Variants in RBBP6 observed in about 807,000 individuals in gnomAD.
RBBP6 encodes E3 ubiquitin-protein ligase RBBP6.
In RBBP6, 25 loss-of-function variants were observed where a neutral mutation model predicts 167.7. The ratio of observed to expected loss-of-function variants is 0.15; its 90% CI spans 0.11 to 0.21. The LOEUF is 0.21. RBBP6 is among the 10% of genes least tolerant of loss of function. RBBP6 has a pLI of 1.00. For synonymous variants in RBBP6, 789 were observed against 735.8 expected, an observed-to-expected ratio of 1.07 and a Z score of -1.17; for missense variants, 1,868 against 2,134.2, an observed-to-expected ratio of 0.88 and a Z score of 2.46.
chr16:24,567,491 A>G lies in RBBP6; in HGVS notation c.1938A>G (p.Arg646=), dbSNP rs180874150. The G allele has an allele frequency of 9.2e-5, 148 of 1,609,676 alleles. No homozygotes were observed. The highest frequency in any genetic ancestry group is 1.2e-4 in the Non-Finnish European group (144 of 1,176,960). Residue 646 remains arginine, a synonymous_variant, in exon 15 of 18, where the codon CGA becomes CGG. Transcript: ENST00000319715. ...GGGAAGAATTCTATAGAGAGCAGCGACGACTAAAAGAAGAGTATGTATTCT... is the reference window on the plus strand; with the variant it reads ...GGGAAGAATTCTATAGAGAGCAGCGGCGACTAAAAGAAGAGTATGTATTCT... ...LSREEFYREQ[R]RLKEEEKKKS...
chr16:24,557,490 C>T lies in RBBP6; in HGVS notation c.674+1043C>T, dbSNP rs114981903. The stretch of plus-strand genomic sequence containing the variant: ...AGCATAATATTAAGTGTTCTTTGGA[C>T]TGCTGTTCTCTAACTTTGTTGAGCA... On this transcript the variant is annotated intron_variant, in intron 7 of 17. Coordinates refer to ENST00000319715, the MANE Select transcript of RBBP6 (RefSeq NM_006910.5). Among the ~76,000 whole-genome samples, 413 of 152,076 alleles carry T rather than the reference C, an allele frequency of 2.7e-3. 2 individuals carry two copies. The highest frequency in any genetic ancestry group is 9.4e-3 in the African/African-American group (391 of 41,448).
chr16:24,571,618 G>A lies in RBBP6; in HGVS notation c.4552G>A (p.Glu1518Lys). Reference protein sequence around the residue: ...ASGQKNKPREERDLPKKGTGD... With the variant: ...ASGQKNKPREKRDLPKKGTGD... ...TGGACAGAAAAATAAACCAAGGGAAGAGAGAGATTTGCCTAAAAAAGGAAC... is the reference window on the plus strand; with the variant it reads ...TGGACAGAAAAATAAACCAAGGGAAAAGAGAGATTTGCCTAAAAAAGGAAC... The change falls in exon 18 of 18, where the codon GAG becomes AAG. Residue 1518 changes from glutamate to lysine, a missense_variant. Coordinates refer to ENST00000319715, the MANE Select transcript of RBBP6 (RefSeq NM_006910.5). 2 of 1,611,580 alleles carry A rather than the reference G, an allele frequency of 1.2e-6. No individual in the cohort carries two copies. Among genetic ancestry groups the A allele is most frequent in the Non-Finnish European group, 1.7e-6 (2 of 1,179,418 alleles).
intron 8 of RBBP6, among the ~76,000 whole-genome samples, chr16:24,560,413 A>G (rs1251791956): frequency 6.6e-6 from 1 of 152,102 alleles, no homozygotes; most frequent in Admixed American, 6.5e-5. Flanking sequence ...ACATCTGTAG[A>G]CATATTTATT....
At chr16:24,564,550 A>C (rs1485030615) in intron 13 of RBBP6, among the ~76,000 whole-genome samples, 2 of 152,232 alleles carry the variant, frequency 1.3e-5, no homozygotes, top group South Asian at 4.1e-4. Context: ...TTAAAATATA[A>C]TATTACATAA....
At position 24,571,924 on chromosome 16, in the gene RBBP6, C is replaced by T; in HGVS notation, c.4858C>T (p.His1620Tyr). Residue 1620 changes from histidine to tyrosine, a missense_variant, in exon 18 of 18, where the codon CAT (histidine) becomes TAT (tyrosine). Physicochemically the swap from His to Tyr is moderately conservative, Grantham distance 83 (BLOSUM62 2). Coordinates refer to ENST00000319715, the MANE Select transcript of RBBP6 (RefSeq NM_006910.5). ...TGTCAAGCCTAAACCCCAGTTAAGT[C>T]ATTCCTCTAGACTTTCCTCTGACTT... ...STVKPKPQLS[H>Y]SSRLSSDLTR... 1.2e-6 allele frequency: 2 copies of T among 1,614,076 alleles called. No individual in the cohort carries two copies. The highest frequency in any genetic ancestry group is 1.3e-5 in the African/African-American group (1 of 75,022).
chr16:24,568,626 G>T (rs1899249348), intron 16 of RBBP6, 119 bp from the exon 17 acceptor site: 1 of 1,369,264 alleles, frequency 7.3e-7, no homozygotes, highest in East Asian at 2.5e-5. Context: ...AATCATCTAA[G>T]ATGAAATTTG....
At chr16:24,543,588 G>A (rs1254663067) in intron 1 of RBBP6, among the ~76,000 whole-genome samples, 1 of 152,106 alleles carries the variant, frequency 6.6e-6, no homozygotes. Flanking sequence ...ATAGGCTTGA[G>A]CCACTGTGCC....
rs1898436064 is a variant in RBBP6, at chr16:24,539,826, C to T, written c.-801C>T. 1 of 152,220 alleles carries T rather than the reference C, an allele frequency of 6.6e-6. No individual in the cohort carries two copies. Among genetic ancestry groups the T allele is most frequent in the Non-Finnish European group, 1.5e-5 (1 of 68,028 alleles). 9.4% of individuals were successfully genotyped at this position (152,220 alleles called of 1,614,324 possible). On this transcript the variant is annotated 5_prime_UTR_variant, in exon 1 of 18. Coordinates refer to ENST00000319715, the MANE Select transcript of RBBP6 (RefSeq NM_006910.5). ...GAGCCTCGGCGGTGTCCCCGGGGTC[C>T]GCCGAAGCCACCCGGCCGCCGGCTG... is the stretch of plus-strand genomic sequence containing the variant.
chr16:24,550,565 TTTTA>T (rs1361196275), intron 3 of RBBP6, among the ~76,000 whole-genome samples: 3 of 151,736 alleles, frequency 2.0e-5, no homozygotes, highest in African/African-American at 7.2e-5. Flanking sequence ...TCAGATGAAG[TTTTA>T]TTTCTTGAAA....
At chr16:24,567,996 A>C in intron 16 of RBBP6, 103 bp downstream of exon 16, 1 of 951,138 alleles carries the variant, frequency 1.1e-6, no homozygotes, top group Non-Finnish European at 1.6e-6. Context: ...AATTTTTCTG[A>C]TTCGGTCTAG....
intron 15 of RBBP6, 76 bp downstream of exon 15, chr16:24,567,581 G>C: frequency 6.9e-7 from 1 of 1,453,708 alleles, no homozygotes; most frequent in Non-Finnish European, 9.2e-7. Flanking sequence ...GTCTGGAAAC[G>C]TTTTCCAGTG....
chr16:24,555,133 A>G (rs1424714851), intron 4 of RBBP6: 2 of 153,118 alleles, frequency 1.3e-5, no homozygotes, highest in Non-Finnish European at 2.9e-5. Flanking sequence ...ATAATGCTCA[A>G]TGCACATCTT....
chr16:24,555,234 C>T (rs1898885874), intron 4 of RBBP6: 1 of 159,698 alleles, frequency 6.3e-6, no homozygotes. Flanking sequence ...CTACCCCCAT[C>T]CCTACCTCCA....
intron 1 of RBBP6, among the ~76,000 whole-genome samples, chr16:24,544,771 T>C (rs1342168472): frequency 1.3e-5 from 2 of 152,012 alleles, no homozygotes; most frequent in South Asian, 2.1e-4. Flanking sequence ...GCCCAAGGAG[T>C]GTAAAAATAG....
chr16:24,568,963 C>T lies in RBBP6; in HGVS notation c.2273C>T (p.Ser758Leu), dbSNP rs370877300. 1 of 1,614,034 alleles carries T rather than the reference C, an allele frequency of 6.2e-7. No individual in the cohort carries two copies. Among genetic ancestry groups the T allele is most frequent in the African/African-American group, 1.3e-5 (1 of 74,938 alleles). Reference sequence around the variant, plus strand: ...TCTCATGGATATCATCGATCTAGGTCAAGGTCACCCCCTTACAGACGCTAT... The same window carrying T: ...TCTCATGGATATCATCGATCTAGGTTAAGGTCACCCCCTTACAGACGCTAT... ...SRSHGYHRSRSRSPPYRRYHS... is the reference protein window; with the variant it reads ...SRSHGYHRSRLRSPPYRRYHS... Residue 758 changes from serine to leucine, a missense_variant, in exon 17 of 18, where the codon TCA becomes TTA. Physicochemically the swap from Ser to Leu is moderately radical, Grantham distance 145. Around this residue, in one of 7 missense-constraint regions of RBBP6, gnomAD observed 673 missense variants for 691.5 expected, o/e 0.97. Transcript: ENST00000319715.
chr16:24,549,494 C>A, intron 3 of RBBP6: 1 of 524,156 alleles, frequency 1.9e-6, no homozygotes, highest in Non-Finnish European at 2.4e-6. Context: ...TAGCAACATG[C>A]AAAGCTTATA....
intron 2 of RBBP6, among the ~76,000 whole-genome samples, chr16:24,547,441 G>GTATATA (rs896572549): frequency 6.6e-6 from 1 of 151,486 alleles, no homozygotes; most frequent in Non-Finnish European, 1.5e-5. Context: ...ATATATGTGT[G>GTATATA]TATATATATA....
chr16:24,549,177 G>T (rs1357104042), intron 3 of RBBP6, 196 bp downstream of exon 3: 2 of 1,433,172 alleles, frequency 1.4e-6, no homozygotes, highest in Admixed American at 5.5e-5. Context: ...GTAGAAATGG[G>T]TAATTTGTGC....
At chr16:24,552,467 C>T (rs1208106988) in intron 3 of RBBP6, among the ~76,000 whole-genome samples, 1 of 151,840 alleles carries the variant, frequency 6.6e-6, no homozygotes, top group East Asian at 1.9e-4. Context: ...AACCCACTTA[C>T]TACGTAGGAA....
Sources: gnomAD v4.1 joint callset for allele counts (sites outside exome capture counted in the v4.1 genomes callset) on GRCh38, gnomAD v4.1.1 for gene constraint, gnomAD v4.1.1 regional missense constraint, MANE v1.5 for transcripts, NCBI Gene and HGNC (gene_info 2026-07-23, HGNC 2026-07-21) for gene names.